AKAP19: variants seen among roughly 807,000 people sequenced by gnomAD.
AKAP19 encodes A-kinase anchoring protein 19, also known as small A-kinase anchoring protein.
the AKAP19 span, among the ~76,000 whole-genome samples, chr2:189,987,362 T>C: frequency 6.6e-6 from 1 of 152,222 alleles, no homozygotes; most frequent in Non-Finnish European, 1.5e-5. Flanking sequence ...CCTCTTTTTC[T>C]TTCCAGTCTT....
At chr2:190,107,108 G>A in the AKAP19 span, among the ~76,000 whole-genome samples, 1 of 152,078 alleles carries the variant, frequency 6.6e-6, no homozygotes, top group Admixed American at 6.5e-5. Context: ...AAATGTCTGT[G>A]GTATTCTTCT....
chr2:190,156,642 G>A, the AKAP19 span, among the ~76,000 whole-genome samples: 13 of 152,112 alleles, frequency 8.5e-5, no homozygotes, highest in Non-Finnish European at 1.9e-4. Context: ...GAATCCAAAT[G>A]GCCAATAAAC....
At chr2:189,990,733 T>C in the AKAP19 span, among the ~76,000 whole-genome samples, 215 of 152,274 alleles carry the variant, frequency 1.4e-3, 1 homozygote, top group African/African-American at 4.9e-3. Flanking sequence ...TCAAAAGTTT[T>C]TTGGGGAACA....
chr2:190,095,004 C>T, the AKAP19 span, among the ~76,000 whole-genome samples: 1 of 152,234 alleles, frequency 6.6e-6, no homozygotes, highest in Non-Finnish European at 1.5e-5. Flanking sequence ...ATGGGCGGAT[C>T]ATGAGGTCAG....
At chr2:190,048,939 A>T in the AKAP19 span, among the ~76,000 whole-genome samples, 1 of 152,178 alleles carries the variant, frequency 6.6e-6, no homozygotes, top group Admixed American at 6.5e-5. Flanking sequence ...AAATAACTAA[A>T]TCATAAAAGT....
At chr2:190,081,846 C>G in the AKAP19 span, among the ~76,000 whole-genome samples, 1 of 152,146 alleles carries the variant, frequency 6.6e-6, no homozygotes, top group African/African-American at 2.4e-5. Flanking sequence ...AAGCACCCCC[C>G]ATTCCACAAC....
At chr2:189,950,532 C>T in the AKAP19 span, among the ~76,000 whole-genome samples, 1 of 151,884 alleles carries the variant, frequency 6.6e-6, no homozygotes, top group Non-Finnish European at 1.5e-5. Flanking sequence ...AAGAGAGGGG[C>T]TAATGGTAGA....
At chr2:190,178,044 T>A in the AKAP19 span, among the ~76,000 whole-genome samples, 33 of 152,144 alleles carry the variant, frequency 2.2e-4, no homozygotes, top group Non-Finnish European at 7.4e-5. This position sits in a 1 kb window ranked among gnomAD's most constrained non-coding sequence, Gnocchi z 6.3. Flanking sequence ...CCCCAGCTTT[T>A]AAAAAGTTAT....
At chr2:189,919,394 T>A in the AKAP19 span, among the ~76,000 whole-genome samples, 2 of 152,106 alleles carry the variant, frequency 1.3e-5, no homozygotes, top group African/African-American at 4.8e-5. Flanking sequence ...AATGGTTAAT[T>A]TTATGTGAAT....
the AKAP19 span, among the ~76,000 whole-genome samples, chr2:190,138,851 A>G: frequency 2.6e-5 from 4 of 152,310 alleles, no homozygotes; most frequent in South Asian, 8.3e-4. Context: ...TTGGGAGACA[A>G]TATAGGACTT....
the AKAP19 span, among the ~76,000 whole-genome samples, chr2:190,163,381 C>T: frequency 6.6e-6 from 1 of 151,622 alleles, no homozygotes; most frequent in Non-Finnish European, 1.5e-5. Context: ...TTGCAGTGAG[C>T]CGAGATCGCG....
chr2:189,946,817 C>T, the AKAP19 span, among the ~76,000 whole-genome samples: 1 of 151,958 alleles, frequency 6.6e-6, no homozygotes, highest in Non-Finnish European at 1.5e-5. Flanking sequence ...GCTAGCTTTC[C>T]CTGATATATA....
the AKAP19 span, among the ~76,000 whole-genome samples, chr2:190,128,348 T>C: frequency 6.6e-6 from 1 of 152,298 alleles, no homozygotes; most frequent in Admixed American, 6.5e-5. Flanking sequence ...AATCTGGACA[T>C]GGTAATAACC....
the AKAP19 span, among the ~76,000 whole-genome samples, chr2:190,038,901 T>TTTCTTTCTTTCTTTCTTTCTTCTTCTTC: frequency 2.2e-5 from 1 of 46,002 alleles, no homozygotes; most frequent in Non-Finnish European, 4.6e-5. Flanking sequence ...TCTTTCTTTC[T>TTTCTTTCTTTCTTTCTTTCTTCTTCTTC]TTCTTCTTCT....
the AKAP19 span, among the ~76,000 whole-genome samples, chr2:190,156,914 A>G: frequency 0.56 from 84,662 of 152,004 alleles, 24,069 homozygotes; most frequent in Middle Eastern, 0.67. Flanking sequence ...TAAAATCACT[A>G]CTAGGTAAGG....
At chr2:190,180,851 G>A in the AKAP19 span, 2 of 985,188 alleles carry the variant, frequency 2.0e-6, no homozygotes, top group Admixed American at 6.2e-5. The surrounding 1 kb of genome is among the most constrained non-coding windows in gnomAD (Gnocchi z 6.8). Context: ...GCCGAAGGAC[G>A]CCCCGTCCTC....
the AKAP19 span, among the ~76,000 whole-genome samples, chr2:189,947,997 C>G: frequency 6.6e-6 from 1 of 152,054 alleles, no homozygotes; most frequent in Non-Finnish European, 1.5e-5. Flanking sequence ...CTATGCCAGT[C>G]TAACTTGGTG....
the AKAP19 span, among the ~76,000 whole-genome samples, chr2:190,033,999 GAC>G: frequency 6.6e-6 from 1 of 152,080 alleles, no homozygotes; most frequent in Non-Finnish European, 1.5e-5. Context: ...ACTCAAAAGA[GAC>G]ATTATGGTGT....
chr2:190,183,425 C>A, the AKAP19 span, among the ~76,000 whole-genome samples: 1 of 152,012 alleles, frequency 6.6e-6, no homozygotes, highest in African/African-American at 2.4e-5. Context: ...TTGCATATTC[C>A]CTGATCTACC....
Sources: gnomAD v4.1 joint callset for allele counts (sites outside exome capture counted in the v4.1 genomes callset) on GRCh38, gnomAD v4.1.1 for gene constraint, Gnocchi (gnomAD v3.1) non-coding constraint, MANE v1.5 for transcripts, NCBI Gene and HGNC (gene_info 2026-07-23, HGNC 2026-07-21) for gene names.